The following MFAP5 variants were observed in gnomAD, a reference collection of about 807,000 sequenced individuals.
MFAP5 encodes the protein microfibril associated protein 5.
Under a neutral mutation model 30.1 loss-of-function variants are expected in MFAP5, and 19 were observed. The observed-to-expected ratio is 0.63, with a 90% CI of 0.44 to 0.93. The LOEUF is 0.93. MFAP5 is among the 40% of genes least tolerant of loss of function. The pLI is 0.00. For missense variants in MFAP5, 210 were observed against 221.3 expected, an observed-to-expected ratio of 0.95 and a Z score of 0.32; for synonymous variants, 92 against 72.9, an observed-to-expected ratio of 1.26 and a Z score of -1.33.
chr12:8,656,625 TACACACACAC>T (rs1223209541), intron 3 of MFAP5, among the ~76,000 whole-genome samples: 3 of 121,314 alleles, frequency 2.5e-5, no homozygotes, highest in Non-Finnish European at 4.8e-5. Context: ...TATACACACA[TACACACACAC>T]ACACACACAC....
intron 9 of MFAP5, 43 bp from the exon 10 acceptor site, chr12:8,648,246 T>A: frequency 1.3e-6 from 2 of 1,486,512 alleles, no homozygotes. Context: ...ATGCAGAAGA[T>A]AACAAAGGCT....
In MFAP5 at chr12:8,654,940, C is replaced by CAAAAAAAA. The variant is rs34739708; in HGVS notation, c.172+467_173-460dup. Among the ~76,000 whole-genome samples the CAAAAAAAA allele has an allele frequency of 8.1e-4, 93 of 114,654 alleles. 1 individual carries two copies. Among genetic ancestry groups the CAAAAAAAA allele is most frequent in the African/African-American group, 3.1e-3 (92 of 29,850 alleles). The allele number at this position is 114,654 out of a possible 152,430, so 75.2% of individuals were successfully genotyped here. ...TGGGCTACAGAGCTAGACTCTGTCT[C>CAAAAAAAA]AAAAAAAAAAAAAAAAAATTAGCAC... On this transcript the variant is annotated intron_variant, in intron 5 of 9. Coordinates refer to ENST00000359478, the MANE Select transcript of MFAP5 (RefSeq NM_003480.4).
At position 8,648,135 on chromosome 12, in the gene MFAP5, G is replaced by A. The variant is rs772494615; in HGVS notation, c.478C>T (p.Pro160Ser). 4 of 1,614,038 alleles carry A rather than the reference G, an allele frequency of 2.5e-6. No individual in the cohort carries two copies. Among genetic ancestry groups the A allele is most frequent in the Non-Finnish European group, 3.4e-6 (4 of 1,179,954 alleles). Residue 160 changes from proline to serine, a missense_variant, in exon 10 of 10, where the codon CCT (proline) becomes TCT (serine). By Grantham distance (74) the Pro-to-Ser change is moderately conservative. Coordinates refer to ENST00000359478, the MANE Select transcript of MFAP5 (RefSeq NM_003480.4). ...RLRRSNYFRL[P>S]PCENVDLQRP... ...TGCAAATCCACATTTTCACAGGGAG[G>A]AAGTCGGAAGTAATTGGAGCGACGG...
intron 3 of MFAP5, among the ~76,000 whole-genome samples, chr12:8,657,305 G>T (rs1367178052): frequency 1.3e-5 from 2 of 152,010 alleles, no homozygotes; most frequent in Non-Finnish European, 2.9e-5. Flanking sequence ...TGTAATCCCA[G>T]CTACTCTGGA....
rs1351223871 is a variant in MFAP5 at position 8,662,796 on chromosome 12, G to T, written c.-172C>A. The T allele has an allele frequency of 6.6e-6, 1 of 152,346 alleles. No homozygotes were observed. The highest frequency in any genetic ancestry group is 2.4e-5 in the African/African-American group (1 of 41,444). 9.4% of individuals were successfully genotyped at this position (152,346 alleles called of 1,614,324 possible). ...CAATGAGATGAGGGAGAGCAAGAAA[G>T]CCAGGCTAGGCGTAGAATGTGTGTT... On this transcript the variant is annotated 5_prime_UTR_variant, in exon 1 of 10. Coordinates refer to ENST00000359478, the MANE Select transcript of MFAP5 (RefSeq NM_003480.4).
chr12:8,651,649 G>A lies in MFAP5; in HGVS notation c.247+13C>T, dbSNP rs751525471. On this transcript the variant is annotated intron_variant, in intron 7 of 9. Coordinates refer to ENST00000359478, the MANE Select transcript of MFAP5 (RefSeq NM_003480.4). Reference sequence around the variant, plus strand: ...AAAAAAGGCTTAAGAAGGCATGCAAGCAACAATCATACCTGCAGTGGTATT... The same window carrying A: ...AAAAAAGGCTTAAGAAGGCATGCAAACAACAATCATACCTGCAGTGGTATT... 7.3e-5 allele frequency: 117 copies of A among 1,613,574 alleles called. No individual in the cohort carries two copies. Among genetic ancestry groups the A allele is most frequent in the Non-Finnish European group, 9.2e-5 (109 of 1,179,646 alleles).
chr12:8,660,921 A>G, intron 2 of MFAP5, 23 bp from the exon 3 acceptor site: 1 of 1,602,892 alleles, frequency 6.2e-7, no homozygotes. Context: ...AAGAGAAAAG[A>G]GATGTGAGTG....
At chr12:8,651,713 C>G in intron 6 of MFAP5, 22 bp from the exon 7 acceptor site, 1 of 1,609,394 alleles carries the variant, frequency 6.2e-7, no homozygotes, top group South Asian at 1.1e-5. Flanking sequence ...AAATTTTATT[C>G]CACTGTTACC....
At position 8,647,492 on chromosome 12, in the gene MFAP5, TA is replaced by T. The variant is rs1316391012; in HGVS notation, c.*598del. ...GACATTTTGGGTCCTTATATATTGC[TA>T]GTAGGATTGTATAATTCTTGACTGT... On this transcript the variant is annotated 3_prime_UTR_variant, in exon 10 of 10. Coordinates refer to ENST00000359478, the MANE Select transcript of MFAP5 (RefSeq NM_003480.4). 6.6e-6 allele frequency: 1 copy of T among 152,258 alleles called. No individual in the cohort carries two copies. Among genetic ancestry groups the T allele is most frequent in the Admixed American group, 6.5e-5 (1 of 15,286 alleles). The allele number at this position is 152,258 out of a possible 1,614,324, so 9.4% of individuals were successfully genotyped here. A position where few individuals can be genotyped will look rare whatever the true frequency, so the allele number is the denominator to read the frequency against.
chr12:8,651,722 C>G (rs1178383714), intron 6 of MFAP5, 31 bp from the exon 7 acceptor site: 1 of 1,606,170 alleles, frequency 6.2e-7, no homozygotes, highest in East Asian at 2.2e-5. Flanking sequence ...TCCACTGTTA[C>G]CAATTCTAGA....
In MFAP5 at chr12:8,647,796, T is replaced by G. The variant is rs1462589348; in HGVS notation, c.*295A>C. 1 of 177,884 alleles carries G rather than the reference T, an allele frequency of 5.6e-6. No individual in the cohort carries two copies. The highest frequency in any genetic ancestry group is 2.4e-5 in the African/African-American group (1 of 42,306). The allele number at this position is 177,884 out of a possible 1,614,324, so 11.0% of individuals were successfully genotyped here. ...GCCTAAAGTTTAGTCTCCCTTGAAATTGTACATAGAATGTTTGTATATAAG... is the reference window on the plus strand; with the variant it reads ...GCCTAAAGTTTAGTCTCCCTTGAAAGTGTACATAGAATGTTTGTATATAAG... On this transcript the variant is annotated 3_prime_UTR_variant, in exon 10 of 10. Coordinates refer to ENST00000359478, the MANE Select transcript of MFAP5 (RefSeq NM_003480.4).
At chr12:8,661,895 C>T in intron 2 of MFAP5, 152 bp downstream of exon 2, 3 of 806,418 alleles carry the variant, frequency 3.7e-6, no homozygotes, top group Non-Finnish European at 4.1e-6. Flanking sequence ...TTTTTCTTAA[C>T]ACAAAATCTG....
chr12:8,658,784 T>C (rs1490005178), intron 3 of MFAP5, among the ~76,000 whole-genome samples: 1 of 151,990 alleles, frequency 6.6e-6, no homozygotes, highest in Non-Finnish European at 1.5e-5. Flanking sequence ...AAATGCTTTA[T>C]CTAGTATTCA....
At position 8,658,666 on chromosome 12, in the gene MFAP5, C is replaced by T. The variant is rs750879877; in HGVS notation, c.94+2197G>A. The T allele has an allele frequency of 1.1e-4, 17 of 152,180 alleles. 1 individual carries two copies. The highest frequency in any genetic ancestry group is 3.9e-4 in the African/African-American group (16 of 41,486). The allele number at this position is 152,180 out of a possible 1,614,324, so 9.4% of individuals were successfully genotyped here. ...AAACAGGAGCAAAGCAATGGGGGAA[C>T]AGAGGGCTTGAGAATGTATCCTAGC... On this transcript the variant is annotated intron_variant, in intron 3 of 9. Transcript: ENST00000359478.
chr12:8,660,756 T>C, intron 3 of MFAP5, 107 bp downstream of exon 3: 1 of 904,822 alleles, frequency 1.1e-6, no homozygotes, highest in Non-Finnish European at 1.6e-6. Context: ...ATTCTTTTTT[T>C]TTTTTTTTTG....
At chr12:8,648,573 G>A (rs1455746859) in intron 9 of MFAP5, 1 of 1,253,754 alleles carries the variant, frequency 8.0e-7, no homozygotes, top group Admixed American at 2.3e-5. Flanking sequence ...ATAGAAAAAT[G>A]AGATCCAATC....
At chr12:8,653,914 C>T (rs1251782346) in intron 6 of MFAP5, among the ~76,000 whole-genome samples, 6 of 152,100 alleles carry the variant, frequency 3.9e-5, no homozygotes, top group Non-Finnish European at 5.9e-5. Flanking sequence ...CACCTGAGGT[C>T]AAGAGTTCAA....
intron 3 of MFAP5, among the ~76,000 whole-genome samples, chr12:8,659,751 T>C (rs779807953): frequency 1.1e-3 from 165 of 152,320 alleles, no homozygotes; most frequent in African/African-American, 3.7e-3. Flanking sequence ...TATATACATA[T>C]GGAAAACTAA....
At chr12:8,656,408 T>C (rs1941988583) in intron 3 of MFAP5, among the ~76,000 whole-genome samples, 1 of 144,540 alleles carries the variant, frequency 6.9e-6, no homozygotes, top group South Asian at 2.2e-4. Flanking sequence ...TCATAAAAGG[T>C]AGTATTGATT....
Sources: gnomAD v4.1 joint callset for allele counts (sites outside exome capture counted in the v4.1 genomes callset) on GRCh38, gnomAD v4.1.1 for gene constraint, MANE v1.5 for transcripts, NCBI Gene and HGNC (gene_info 2026-07-23, HGNC 2026-07-21) for gene names.